Variants in AVEN observed in about 807,000 individuals in gnomAD.
AVEN encodes cell death regulator Aven.
AVEN carries 41 observed loss-of-function variants against 38.1 expected under a neutral mutation model. The observed-to-expected ratio is 1.08, with a 90% CI of 0.84 to 1.40. The LOEUF (loss-of-function observed/expected upper bound fraction) is 1.40, where lower values mean the gene tolerates loss of function less well. Ranked by LOEUF, AVEN falls within the 40% of genes most tolerant of loss-of-function variation. The pLI is 0.00. For missense variants in AVEN, 605 were observed against 438.8 expected, an observed-to-expected ratio of 1.38 and a Z score of -3.38; for synonymous variants, 206 against 171.8, an observed-to-expected ratio of 1.20 and a Z score of -1.56.
intron 11 of AVEN, chr15:33,860,628 A>G: frequency 6.3e-7 from 1 of 1,594,358 alleles, no homozygotes; most frequent in Non-Finnish European, 8.6e-7. Flanking sequence ...GAGCTAAGAG[A>G]CCAGCAGGAA....
intron 2 of AVEN, among the ~76,000 whole-genome samples, chr15:33,956,493 A>G (rs1894958654): frequency 6.6e-6 from 1 of 152,220 alleles, no homozygotes; most frequent in Admixed American, 6.5e-5. Flanking sequence ...TTCTGTGAAC[A>G]GTCTGCTCAT....
intron 2 of AVEN, among the ~76,000 whole-genome samples, chr15:33,927,610 C>T (rs1219655447): frequency 6.6e-6 from 1 of 152,158 alleles, no homozygotes; most frequent in Non-Finnish European, 1.5e-5. Flanking sequence ...GCACAGGCCC[C>T]TTCCAAGGCC....
intron 2 of AVEN, among the ~76,000 whole-genome samples, chr15:33,986,704 T>A (rs1160311846): frequency 6.6e-6 from 1 of 152,114 alleles, no homozygotes; most frequent in South Asian, 2.1e-4. Flanking sequence ...TCACCTAGGC[T>A]TGAATGCAGT....
At chr15:33,959,851 G>GAT (rs1895097395) in intron 2 of AVEN, among the ~76,000 whole-genome samples, 1 of 152,102 alleles carries the variant, frequency 6.6e-6, no homozygotes, top group African/African-American at 2.4e-5. Context: ...CAGCAGAAAG[G>GAT]ATATATATCA....
Position 34,063,077 on chromosome 15 carries a change from C to G in AVEN, n.1482G>C. 6.2e-7 allele frequency: 1 copy of G among 1,614,154 alleles called. No homozygotes were observed. The highest frequency in any genetic ancestry group is 1.7e-5 in the Admixed American group (1 of 60,020). ...TGGCCAGCAACGCTTCTGTCATGAA[C>G]CTTCTGGTGATCAGTTTTGACCGTT... On this transcript the variant is annotated non_coding_transcript_exon_variant, in exon 5 of 12. Transcript: ENST00000675287. This position sits in a 1 kb window ranked among gnomAD's most constrained non-coding sequence, Gnocchi z 4.1.
chr15:33,856,540 CCAT>C (rs959317026), downstream of AVEN: 1 of 152,306 alleles, frequency 6.6e-6, no homozygotes, highest in Non-Finnish European at 1.5e-5. Flanking sequence ...CTCAGCTCCA[CCAT>C]CATAATTCTT....
chr15:33,916,470 C>T (rs983319459), intron 2 of AVEN, among the ~76,000 whole-genome samples: 5 of 151,952 alleles, frequency 3.3e-5, no homozygotes, highest in African/African-American at 1.2e-4. Context: ...CCGGAATTTA[C>T]AAGAAACTTA....
intron 2 of AVEN, among the ~76,000 whole-genome samples, chr15:33,978,914 GATGT>G (rs1182470043): frequency 7.7e-6 from 1 of 130,388 alleles, no homozygotes; most frequent in Non-Finnish European, 1.7e-5. Context: ...AGAGGAAAGA[GATGT>G]ATGTCCATGC....
intron 2 of AVEN, among the ~76,000 whole-genome samples, chr15:33,892,366 C>T (rs1408414792): frequency 7.2e-5 from 11 of 152,174 alleles, no homozygotes; most frequent in Non-Finnish European, 1.6e-4. Flanking sequence ...TTAGGTCTAA[C>T]AGTTAAGTCT....
At chr15:33,858,138 C>G (rs534324871), downstream of AVEN, 12 of 587,626 alleles carry the variant, frequency 2.0e-5, no homozygotes, top group African/African-American at 2.0e-4. Context: ...ACATCTAAGC[C>G]CCGTGGAAAG....
intron 11 of AVEN, chr15:33,859,763 G>A (rs2153013704): frequency 6.3e-7 from 1 of 1,579,526 alleles, no homozygotes; most frequent in Non-Finnish European, 8.6e-7. Flanking sequence ...AGTATGAACA[G>A]GGTTTAATCT....
intron 5 of AVEN, among the ~76,000 whole-genome samples, chr15:33,867,027 T>C (rs1282017363): frequency 6.6e-6 from 1 of 152,202 alleles, no homozygotes; most frequent in African/African-American, 2.4e-5. Context: ...ATGTAATACA[T>C]GCATGTGGCA....
intron 2 of AVEN, among the ~76,000 whole-genome samples, chr15:33,997,811 A>G (rs1896998133): frequency 6.6e-6 from 1 of 151,962 alleles, no homozygotes. Flanking sequence ...ATTAAGTCCT[A>G]CCCTTCCGTC....
chr15:34,065,731 C>T (rs945212206), intron 4 of AVEN: 3 of 152,058 alleles, frequency 2.0e-5, no homozygotes, highest in Non-Finnish European at 4.4e-5. Flanking sequence ...TATAAACAAA[C>T]GGAATCAAAG....
chr15:33,866,583 GATTTGCTTCAGGCACTTTT>G lies in AVEN; in HGVS notation c.*11_*29del. The G allele has an allele frequency of 1.3e-6, 2 of 1,572,140 alleles. No individual in the cohort carries two copies. Among genetic ancestry groups the G allele is most frequent in the African/African-American group, 2.7e-5 (2 of 73,954 alleles). Reference sequence around the variant, plus strand: ...CCACCTGCCGTTAGAAGGCAACCAAGATTTGCTTCAGGCACTTTTTTTCCCCTTTTTAGGAAATCATGCT... The same window carrying G: ...CCACCTGCCGTTAGAAGGCAACCAAGTTTCCCCTTTTTAGGAAATCATGCT... On this transcript the variant is annotated 3_prime_UTR_variant, in exon 6 of 6. Transcript: ENST00000306730.
chr15:34,017,630 C>T (rs1897995918), intron 1 of AVEN, among the ~76,000 whole-genome samples: 1 of 151,972 alleles, frequency 6.6e-6, no homozygotes, highest in Non-Finnish European at 1.5e-5. Context: ...CAGGTGCATG[C>T]CACCACACCC....
chr15:33,892,726 C>T (rs1175372002), intron 2 of AVEN, among the ~76,000 whole-genome samples: 14 of 62,422 alleles, frequency 2.2e-4, no homozygotes, highest in Non-Finnish European at 4.2e-4. Context: ...TCCATATGAA[C>T]TTTAAAGTAG....
intron 1 of AVEN, among the ~76,000 whole-genome samples, chr15:34,021,794 G>A (rs1898211793): frequency 6.6e-6 from 1 of 152,134 alleles, no homozygotes; most frequent in South Asian, 2.1e-4. Flanking sequence ...GGTGGAGGTT[G>A]CAGTGAGCCG....
chr15:33,871,616 CA>C (rs1890954480), intron 3 of AVEN, among the ~76,000 whole-genome samples: 1 of 152,022 alleles, frequency 6.6e-6, no homozygotes, highest in East Asian at 1.9e-4. Context: ...GAGGCTTTTG[CA>C]ATGACTGACA....
Sources: gnomAD v4.1 joint callset for allele counts (sites outside exome capture counted in the v4.1 genomes callset) on GRCh38, gnomAD v4.1.1 for gene constraint, Gnocchi (gnomAD v3.1) non-coding constraint, MANE v1.5 for transcripts, NCBI Gene and HGNC (gene_info 2026-07-23, HGNC 2026-07-21) for gene names.